The following RNF157 variants were observed in gnomAD, a reference collection of about 807,000 sequenced individuals.
RNF157 encodes ring finger protein 157.
In RNF157, 55 loss-of-function variants were observed where a neutral mutation model predicts 88.3. The observed-to-expected ratio is 0.62, with a 90% CI of 0.50 to 0.78. RNF157 has a LOEUF of 0.78. Ranked by LOEUF, RNF157 falls within the 30% of genes least tolerant of loss-of-function variation. RNF157 has a pLI of 0.00. For missense variants in RNF157, 788 were observed against 860.8 expected (o/e 0.92, Z 1.06); for synonymous variants, 334 against 341.2 (o/e 0.98, Z 0.23).
intron 2 of RNF157, among the ~76,000 whole-genome samples, chr17:76,199,963 C>T (rs1408051240): frequency 1.3e-5 from 2 of 152,152 alleles, no homozygotes; most frequent in Non-Finnish European, 2.9e-5. Flanking sequence ...TCAGGTCGGG[C>T]GCGGTGGCTC....
chr17:76,146,356 G>T lies in RNF157; in HGVS notation c.1922-1003C>A. The stretch of plus-strand genomic sequence containing the variant: ...AGCGTTGGTGAGTATCTGACTCCTA[G>T]AATAGCCTGTGCTCAGGCTCCTCCA... On this transcript the variant is annotated intron_variant, in intron 18 of 18. Coordinates refer to ENST00000269391, the MANE Select transcript of RNF157 (RefSeq NM_052916.3). The surrounding 1 kb of genome is among the most constrained non-coding windows in gnomAD (Gnocchi z 4.2). 1 of 985,460 alleles carries T rather than the reference G, an allele frequency of 1.0e-6. No homozygotes were observed. Among genetic ancestry groups the T allele is most frequent in the Non-Finnish European group, 1.2e-6 (1 of 829,956 alleles). 61.0% of individuals were successfully genotyped at this position (985,460 alleles called of 1,614,324 possible).
Position 76,146,317 on chromosome 17 carries a change from G to C in RNF157, c.1922-964C>G. On this transcript the variant is annotated intron_variant, in intron 18 of 18. Coordinates refer to ENST00000269391, the MANE Select transcript of RNF157 (RefSeq NM_052916.3). This position sits in a 1 kb window ranked among gnomAD's most constrained non-coding sequence, Gnocchi z 4.2. Reference sequence around the variant, plus strand: ...CCTCACGGGCTTGCTGTGAGGACTAGATGAGAGAATGCGAGCGTTGGTGAG... The same window carrying C: ...CCTCACGGGCTTGCTGTGAGGACTACATGAGAGAATGCGAGCGTTGGTGAG... 1 of 984,198 alleles carries C rather than the reference G, an allele frequency of 1.0e-6. No individual in the cohort carries two copies. The highest frequency in any genetic ancestry group is 1.2e-6 in the Non-Finnish European group (1 of 828,794). The allele number at this position is 984,198 out of a possible 1,614,324, so 61.0% of individuals were successfully genotyped here.
chr17:76,227,914 C>A lies in RNF157; in HGVS notation c.88+12239G>T, dbSNP rs572159122. Among the ~76,000 whole-genome samples, 41 of 152,084 alleles carry A rather than the reference C, an allele frequency of 2.7e-4. 1 individual carries two copies. The South Asian group carries it at 8.1e-3, about 30-fold the overall frequency. On this transcript the variant is annotated intron_variant, in intron 1 of 18. Transcript: ENST00000269391. ...AAAAAAAGAGGTAGTGTCAGGTCCC[C>A]AAATCTAGCTATATTTATTCCAGAA...
At chr17:76,155,184 A>G in intron 16 of RNF157, 68 bp downstream of exon 16, 1 of 1,416,850 alleles carries the variant, frequency 7.1e-7, no homozygotes, top group Non-Finnish European at 1.0e-6. Context: ...CCTTACTGGC[A>G]TCCCCAGCCA....
At position 76,221,893 on chromosome 17, in the gene RNF157, T is replaced by C. The variant is rs573368397; in HGVS notation, c.89-9411A>G. On this transcript the variant is annotated intron_variant, in intron 1 of 18. Coordinates refer to ENST00000269391, the MANE Select transcript of RNF157 (RefSeq NM_052916.3). ...ACATGAATGAACCTCCAAAACAGTA[T>C]GCTGAGACAAAGAAGCCAAACACAA... Among the ~76,000 whole-genome samples the C allele has an allele frequency of 2.5e-3, 380 of 152,278 alleles. 1 individual carries two copies. The highest frequency in any genetic ancestry group is 5.2e-3 in the African/African-American group (218 of 41,546).
rs1043210902 is a variant in RNF157, at chr17:76,148,719, C to T, written c.1922-3366G>A. Among the ~76,000 whole-genome samples the T allele has an allele frequency of 8.6e-5, 13 of 152,046 alleles. No individual in the cohort carries two copies. The East Asian group carries it at 9.7e-4, about 11-fold the overall frequency. ...TCGAGTATCTGGGACCACAGGCGTA[C>T]GCCACCAAGCCTGGCTAATTTTTGT... On this transcript the variant is annotated intron_variant, in intron 18 of 18. Transcript: ENST00000269391.
intron 1 of RNF157, among the ~76,000 whole-genome samples, chr17:76,218,502 A>T (rs2069928452): frequency 6.6e-6 from 1 of 152,154 alleles, no homozygotes; most frequent in African/African-American, 2.4e-5. Context: ...AAAGTTAGCC[A>T]GGCATGGTGG....
intron 1 of RNF157, among the ~76,000 whole-genome samples, chr17:76,231,213 G>A (rs1415418937): frequency 2.6e-5 from 4 of 152,152 alleles, no homozygotes; most frequent in Admixed American, 2.6e-4. Context: ...TAGCCAGGAT[G>A]GTCTCGATCT....
At chr17:76,150,224 T>C (rs985072699) in intron 18 of RNF157, among the ~76,000 whole-genome samples, 6 of 152,112 alleles carry the variant, frequency 3.9e-5, no homozygotes, top group African/African-American at 1.4e-4. Context: ...ACACTTAACA[T>C]GCCTATACCT....
intron 1 of RNF157, among the ~76,000 whole-genome samples, chr17:76,227,636 G>C (rs2070115820): frequency 6.6e-6 from 1 of 151,978 alleles, no homozygotes; most frequent in Non-Finnish European, 1.5e-5. Flanking sequence ...CCAGCAGTTT[G>C]GGAGGCCGAG....
chr17:76,231,243 C>T (rs1366390438), intron 1 of RNF157, among the ~76,000 whole-genome samples: 3 of 152,118 alleles, frequency 2.0e-5, no homozygotes, highest in East Asian at 1.9e-4. Context: ...ATGATCCGCC[C>T]GCCTCGGCCT....
intron 1 of RNF157, among the ~76,000 whole-genome samples, chr17:76,229,080 C>T (rs931282734): frequency 1.3e-5 from 2 of 152,190 alleles, no homozygotes; most frequent in Non-Finnish European, 2.9e-5. Context: ...GGAACACCAA[C>T]CAAACCAAGT....
chr17:76,210,368 C>A (rs184349885), intron 2 of RNF157, among the ~76,000 whole-genome samples: 3 of 151,576 alleles, frequency 2.0e-5, no homozygotes, highest in African/African-American at 4.8e-5. Context: ...CCAAGGTGGG[C>A]GGATCACGAG....
At chr17:76,179,934 C>T (rs963836195) in intron 2 of RNF157, among the ~76,000 whole-genome samples, 2 of 152,138 alleles carry the variant, frequency 1.3e-5, no homozygotes, top group Non-Finnish European at 2.9e-5. Flanking sequence ...TTAGAGTCTG[C>T]AAAGGGTAAT....
Position 76,162,607 on chromosome 17 carries a change from T to A in RNF157, c.737A>T (p.Tyr246Phe). 1 of 1,612,294 alleles carries A rather than the reference T, an allele frequency of 6.2e-7. No homozygotes were observed. Among genetic ancestry groups the A allele is most frequent in the Admixed American group, 1.7e-5 (1 of 59,768 alleles). Residue 246 changes from tyrosine (Y) to phenylalanine (F), a missense_variant, in exon 9 of 19, where the codon TAC becomes TTC. Coordinates refer to ENST00000269391, the MANE Select transcript of RNF157 (RefSeq NM_052916.3). ...KQKQVVDGVS[Y>F]LLQEIYGIEN... The stretch of plus-strand genomic sequence containing the variant: ...AATTCCATAGATCTCCTGAAGGAGG[T>A]AGCTGACCCCGTCTACCTGAACAGC...
intron 1 of RNF157, among the ~76,000 whole-genome samples, chr17:76,228,127 C>T (rs952506691): frequency 1.3e-5 from 2 of 151,856 alleles, no homozygotes; most frequent in Admixed American, 1.3e-4. Flanking sequence ...TGGAATATTC[C>T]ATTTCCCCCC....
intron 2 of RNF157, among the ~76,000 whole-genome samples, chr17:76,178,061 C>T (rs911471265): frequency 6.6e-6 from 1 of 152,210 alleles, no homozygotes; most frequent in African/African-American, 2.4e-5. Context: ...GTATCTCATT[C>T]TTCCTTGTTG....
chr17:76,238,771 A>C (rs766755997), intron 1 of RNF157, among the ~76,000 whole-genome samples: 1 of 152,232 alleles, frequency 6.6e-6, no homozygotes, highest in African/African-American at 2.4e-5. Flanking sequence ...TTGTCTATTA[A>C]AAAACAAAAT....
intron 1 of RNF157, among the ~76,000 whole-genome samples, chr17:76,218,947 A>T (rs1054754854): frequency 3.9e-5 from 6 of 152,022 alleles, no homozygotes; most frequent in Admixed American, 6.6e-5. Context: ...AAAATAAAAA[A>T]AAATAAAAAA....
Sources: allele counts gnomAD v4.1 joint callset (sites outside exome capture counted in the v4.1 genomes callset), GRCh38; gene constraint gnomAD v4.1.1; non-coding constraint Gnocchi (gnomAD v3.1); transcripts MANE v1.5; gene names NCBI Gene and HGNC (gene_info 2026-07-23, HGNC 2026-07-21).